Variants in LRRC51 observed in about 807,000 individuals in gnomAD.
The protein encoded by LRRC51 is leucine-rich repeat-containing protein 51.
Under a neutral mutation model 17.8 loss-of-function variants are expected in LRRC51, and 8 were observed. The ratio of observed to expected loss-of-function variants is 0.45; its 90% CI spans 0.26 to 0.81. The LOEUF (loss-of-function observed/expected upper bound fraction) is 0.81, where lower values mean the gene tolerates loss of function less well. Ranked by LOEUF, LRRC51 falls within the 30% of genes least tolerant of loss-of-function variation. The pLI is 0.17. For missense variants in LRRC51, 233 were observed against 239.3 expected, an observed-to-expected ratio of 0.97 and a Z score of 0.17; for synonymous variants, 92 against 96.0, an observed-to-expected ratio of 0.96 and a Z score of 0.24.
intron 3 of LRRC51, among the ~76,000 whole-genome samples, chr11:72,091,902 C>G (rs1406367124): frequency 6.6e-6 from 1 of 152,196 alleles, no homozygotes; most frequent in East Asian, 1.9e-4. Context: ...AACTCACTCA[C>G]TTCAATCTGG....
In LRRC51 at chr11:72,095,409, C is replaced by T. The variant is rs377160783; in HGVS notation, c.468C>T (p.Ile156=). The change falls in exon 6 of 6, where the codon ATC becomes ATT. Residue 156 remains isoleucine (I), a synonymous_variant. Coordinates refer to ENST00000289488, the MANE Select transcript of LRRC51 (RefSeq NM_145309.6). ...ATGTGCTGTGCACCCTGTCCCGTAT[C>T]ACCACGTTCGACTTCAGTGGGGTCA... ...RQYVLCTLSR[I]TTFDFSGVTK... 1.1e-4 allele frequency: 179 copies of T among 1,614,024 alleles called. No individual in the cohort carries two copies. Among genetic ancestry groups the T allele is most frequent in the Non-Finnish European group, 1.4e-4 (164 of 1,180,034 alleles).
intron 4 of LRRC51, chr11:72,094,429 A>G (rs1945049020): frequency 1.9e-6 from 1 of 519,404 alleles, no homozygotes; most frequent in Middle Eastern, 5.2e-4. Context: ...AATAAAGTAC[A>G]GCACTTACTT....
intron 3 of LRRC51, among the ~76,000 whole-genome samples, chr11:72,090,936 T>C (rs368362554): frequency 8.5e-5 from 13 of 152,318 alleles, no homozygotes; most frequent in East Asian, 5.8e-4. Flanking sequence ...TTCCCAGATC[T>C]TCCTGGAGCT....
chr11:72,090,173 G>A (rs1944775303), intron 3 of LRRC51, among the ~76,000 whole-genome samples: 1 of 152,236 alleles, frequency 6.6e-6, no homozygotes, highest in African/African-American at 2.4e-5. Context: ...GCCACCTGCT[G>A]TGATCTTTAT....
rs2250866 is a variant in LRRC51, at chr11:72,093,467, G to A, written c.83-29G>A. On this transcript the variant is annotated intron_variant, in intron 3 of 5. Coordinates refer to ENST00000289488, the MANE Select transcript of LRRC51 (RefSeq NM_145309.6). ...CCCCTAAAGCCAAAAAAGCAAAGATGATACCCAAGTCTCACTTTGTCCCCA... is the reference window on the plus strand; with the variant it reads ...CCCCTAAAGCCAAAAAAGCAAAGATAATACCCAAGTCTCACTTTGTCCCCA... The A allele has an allele frequency of 0.075, 118,743 of 1,588,678 alleles. 6,427 individuals are homozygous for A. Among genetic ancestry groups the A allele is most frequent in the East Asian group, 0.23 (9,858 of 43,798 alleles).
chr11:72,095,411 C>G lies in LRRC51; in HGVS notation c.470C>G (p.Thr157Ser), dbSNP rs569939262. The G allele has an allele frequency of 6.2e-7, 1 of 1,614,152 alleles. No homozygotes were observed. Among genetic ancestry groups the G allele is most frequent in the East Asian group, 2.2e-5 (1 of 44,854 alleles). The change falls in exon 6 of 6, where the codon ACC (threonine) becomes AGC (serine). Residue 157 changes from threonine (T) to serine (S), a missense_variant. Physicochemically the swap from Thr to Ser is moderately conservative, Grantham distance 58. Transcript: ENST00000289488. The stretch of plus-strand genomic sequence containing the variant: ...GTGCTGTGCACCCTGTCCCGTATCA[C>G]CACGTTCGACTTCAGTGGGGTCACC... Reference protein sequence around the residue: ...QYVLCTLSRITTFDFSGVTKA... With the variant: ...QYVLCTLSRISTFDFSGVTKA...
intron 3 of LRRC51, among the ~76,000 whole-genome samples, chr11:72,092,513 T>TC (rs2136525116): frequency 6.6e-6 from 1 of 152,350 alleles, no homozygotes; most frequent in Admixed American, 6.5e-5. Flanking sequence ...CACTGACACT[T>TC]AAGAGTGATC....
chr11:72,086,400 T>C (rs1033660965), intron 1 of LRRC51: 3 of 702,028 alleles, frequency 4.3e-6, no homozygotes, highest in African/African-American at 1.7e-5. Context: ...CTGAATTGAA[T>C]TGAATATCTT....
chr11:72,084,839 A>AT (rs1251305498), intron 1 of LRRC51, among the ~76,000 whole-genome samples: 1 of 146,684 alleles, frequency 6.8e-6, no homozygotes, highest in Non-Finnish European at 1.5e-5. Context: ...CTTGTCTCAA[A>AT]AAAAAAAAAA....
intron 3 of LRRC51, chr11:72,089,696 T>C: frequency 2.4e-6 from 2 of 826,358 alleles, no homozygotes; most frequent in Non-Finnish European, 3.1e-6. Context: ...CCAGTTTAAA[T>C]ACTTACTGAC....
intron 3 of LRRC51, among the ~76,000 whole-genome samples, chr11:72,090,804 C>A (rs1944814398): frequency 6.6e-6 from 1 of 152,176 alleles, no homozygotes; most frequent in Non-Finnish European, 1.5e-5. Flanking sequence ...ATACACCTAC[C>A]AACACCTTCC....
intron 3 of LRRC51, chr11:72,089,597 G>T: frequency 1.7e-6 from 2 of 1,186,112 alleles, no homozygotes; most frequent in Non-Finnish European, 2.1e-6. Flanking sequence ...GTCCCAGCAA[G>T]TAGGCAAAAC....
At chr11:72,088,823 T>A in intron 2 of LRRC51, 1 of 565,432 alleles carries the variant, frequency 1.8e-6, no homozygotes, top group Non-Finnish European at 3.1e-6. Context: ...GATTCTCAAA[T>A]GAGTTCTAAG....
intron 1 of LRRC51, among the ~76,000 whole-genome samples, chr11:72,086,936 C>T (rs1380690974): frequency 6.6e-6 from 1 of 152,140 alleles, no homozygotes; most frequent in East Asian, 1.9e-4. Flanking sequence ...AAGCTAGGTT[C>T]CTCTAGTTCT....
In LRRC51 at chr11:72,093,511, A is replaced by G. The variant is rs752499776; in HGVS notation, c.98A>G (p.Glu33Gly). The G allele has an allele frequency of 6.2e-7, 1 of 1,613,398 alleles. No individual in the cohort carries two copies. Among genetic ancestry groups the G allele is most frequent in the South Asian group, 1.1e-5 (1 of 90,982 alleles). The change falls in exon 4 of 6, where the codon GAG becomes GGG. Residue 33 changes from glutamate (E) to glycine (G), a missense_variant. By Grantham distance (98) the Glu-to-Gly change is moderately conservative (BLOSUM62 -2). Coordinates refer to ENST00000289488, the MANE Select transcript of LRRC51 (RefSeq NM_145309.6). ...GTCCCCACAGATCTGGTAAATGAGG[A>G]GCCAAGGACAGGACTACGACCACTG... is the stretch of plus-strand genomic sequence containing the variant. ...IHVIQDLVNE[E>G]PRTGLRPLKR...
At chr11:72,090,432 TC>T (rs1369121275) in intron 3 of LRRC51, among the ~76,000 whole-genome samples, 5 of 152,180 alleles carry the variant, frequency 3.3e-5, no homozygotes, top group Non-Finnish European at 5.9e-5. Flanking sequence ...AGATGGCCCA[TC>T]CTTCATTCAA....
rs1944991659 is a variant in LRRC51, at chr11:72,093,638, G to A, written c.225G>A (p.Leu75=). Residue 75 remains leucine, a synonymous_variant, in exon 4 of 6, where the codon TTG becomes TTA. Transcript: ENST00000289488. Reference sequence around the variant, plus strand: ...TCAACCAGGTGGCTTCACAGCTGTTGGAGCACCCAGAGAACCTGGCCTGGA... The same window carrying A: ...TCAACCAGGTGGCTTCACAGCTGTTAGAGCACCCAGAGAACCTGGCCTGGA... ...RDFNQVASQL[L]EHPENLAWID... is the part of the protein sequence containing the mutation. 6.2e-7 allele frequency: 1 copy of A among 1,614,082 alleles called. No individual in the cohort carries two copies. Among genetic ancestry groups the A allele is most frequent in the Admixed American group, 1.7e-5 (1 of 60,010 alleles).
rs535642551 is a variant in LRRC51 at position 72,094,974 on chromosome 11, T to C, written c.315T>C (p.Ser105=). ...DPVLTTFFNL[S]VLYLHGNSIQ... ...TCCTAACAACTTTCTTCAACCTGAG[T>C]GTCCTCTATCTTCACGGCAACAGCA... Residue 105 remains serine (S), a synonymous_variant, in exon 5 of 6, where the codon AGT becomes AGC. Coordinates refer to ENST00000289488, the MANE Select transcript of LRRC51 (RefSeq NM_145309.6). 1.1e-5 allele frequency: 17 copies of C among 1,613,782 alleles called. No individual in the cohort carries two copies. The highest frequency in any genetic ancestry group is 1.3e-5 in the Non-Finnish European group (15 of 1,179,986).
intron 3 of LRRC51, among the ~76,000 whole-genome samples, chr11:72,091,264 C>T (rs866566626): frequency 2.8e-4 from 42 of 152,148 alleles, no homozygotes; most frequent in African/African-American, 9.7e-4. Flanking sequence ...TTATTTTGAC[C>T]TTAATTTTGA....
Sources: gnomAD v4.1 joint callset for allele counts (sites outside exome capture counted in the v4.1 genomes callset) on GRCh38, gnomAD v4.1.1 for gene constraint, MANE v1.5 for transcripts, NCBI Gene and HGNC (gene_info 2026-07-23, HGNC 2026-07-21) for gene names.